Variants in COX7A2 observed in about 807,000 individuals in gnomAD.
COX7A2 encodes cytochrome c oxidase subunit 7A2, also known as cytochrome c oxidase subunit 7A2, mitochondrial.
Under a neutral mutation model 11.6 loss-of-function variants are expected in COX7A2, and 11 were observed. The observed-to-expected ratio is 0.95, with a 90% CI of 0.60 to 1.57. COX7A2 has a LOEUF of 1.57. Among genes scored for constraint, COX7A2 ranks in the 40% most tolerant of loss-of-function variants. The pLI is 0.00. For missense variants in COX7A2, 106 were observed against 100.9 expected (o/e 1.05, Z -0.22); for synonymous variants, 30 against 38.2 (o/e 0.78, Z 0.79).
At position 75,241,268 on chromosome 6, in the gene COX7A2, A is replaced by C; in HGVS notation, c.19-3T>G. 2 of 1,515,178 alleles carry C rather than the reference A, an allele frequency of 1.3e-6. No individual in the cohort carries two copies. Among genetic ancestry groups the C allele is most frequent in the Non-Finnish European group, 1.8e-6 (2 of 1,115,482 alleles). 93.9% of individuals were successfully genotyped at this position (1,515,178 alleles called of 1,614,324 possible). A position where few individuals can be genotyped will look rare whatever the true frequency, so the allele number is the denominator to read the frequency against. On this transcript the variant is annotated splice_region_variant and splice_polypyrimidine_tract_variant and intron_variant, in intron 1 of 3. Coordinates refer to ENST00000684430, the MANE Select transcript of COX7A2 (RefSeq NM_001366293.2). ...CTCTGCCCAATCTGACGAAGAGCCT[A>C]AAATGAAAATATTATTAAATAGACT...
intron 1 of COX7A2, among the ~76,000 whole-genome samples, chr6:75,242,505 CAAAAAATAAAAAT>C (rs1771538116): frequency 6.7e-6 from 1 of 150,056 alleles, no homozygotes; most frequent in Non-Finnish European, 1.5e-5. Context: ...AAACTCCGCT[CAAAAAATAAAAAT>C]AAAAAATAAA....
At chr6:75,247,352 CAT>C (rs1007392584), upstream of COX7A2, among the ~76,000 whole-genome samples, 1 of 152,128 alleles carries the variant, frequency 6.6e-6, no homozygotes, top group African/African-American at 2.4e-5. Context: ...TGCGTACACA[CAT>C]CTGTTAATTC....
At chr6:75,238,412 ATAGCTGAT>A (rs1480046871) in intron 3 of COX7A2, among the ~76,000 whole-genome samples, 1 of 152,076 alleles carries the variant, frequency 6.6e-6, no homozygotes, top group African/African-American at 2.4e-5. Context: ...AATATAAAAA[ATAGCTGAT>A]AACTGGGCCG....
At chr6:75,242,167 T>C (rs1299998805) in intron 1 of COX7A2, among the ~76,000 whole-genome samples, 1 of 151,160 alleles carries the variant, frequency 6.6e-6, no homozygotes, top group Non-Finnish European at 1.5e-5. Context: ...CCCATTGCAC[T>C]ACAGACTGGG....
At chr6:75,245,816 T>C (rs563318658), upstream of COX7A2, among the ~76,000 whole-genome samples, 9 of 152,308 alleles carry the variant, frequency 5.9e-5, no homozygotes, top group Admixed American at 2.6e-4. Context: ...CTCCATCTAT[T>C]AGCAGCATTT....
At position 75,243,697 on chromosome 6, in the gene COX7A2, C is replaced by G. The variant is rs763901040; in HGVS notation, c.18+20G>C. 1.9e-5 allele frequency: 30 copies of G among 1,610,576 alleles called. No homozygotes were observed. The highest frequency in any genetic ancestry group is 1.8e-4 in the Admixed American group (11 of 59,974). On this transcript the variant is annotated intron_variant, in intron 1 of 3. Transcript: ENST00000684430. ...CACTCCCTCGCCCCCATCATGAATG[C>G]AAGATGAGAAGCTCCTCACCAGCAG...
intron 2 of COX7A2, 79 bp from the exon 3 acceptor site, chr6:75,240,464 T>G (rs1164024371): frequency 1.1e-6 from 1 of 889,884 alleles, no homozygotes; most frequent in African/African-American, 1.7e-5. Context: ...AACAGGCATA[T>G]AAAATGATAT....
At chr6:75,247,609 C>T (rs1402247833), upstream of COX7A2, among the ~76,000 whole-genome samples, 4 of 151,868 alleles carry the variant, frequency 2.6e-5, no homozygotes, top group Non-Finnish European at 5.9e-5. Flanking sequence ...GTTAGACTAA[C>T]TCCTAATGAT....
Position 75,241,203 on chromosome 6 carries a change from T to G in COX7A2, c.81A>C (p.Lys27Asn). ...STASRRHFKN[K>N]VPEKQKLFQE... ...GGAACAGTTTTTGCTTCTCCGGAAC[T>G]TTATTTTTAAAATGCCTGCGGGAAG... The change falls in exon 2 of 4, where the codon AAA (lysine) becomes AAC (asparagine). Residue 27 changes from lysine (K) to asparagine (N), a missense_variant. Transcript: ENST00000684430. The G allele has an allele frequency of 6.3e-7, 1 of 1,598,786 alleles. No individual in the cohort carries two copies.
Position 75,237,943 on chromosome 6 carries a change from T to C in COX7A2, c.239A>G (p.Lys80Arg), listed in dbSNP as rs1046101120. ...IYELAVASFP[K>R]KQE is the part of the protein sequence containing the mutation. ...GGATGACTGAAGTCACTCCTGCTTC[T>C]TGGGAAATGAAGCCACAGCCAGCTC... The change falls in exon 4 of 4, where the codon AAG (lysine) becomes AGG (arginine). Residue 80 changes from lysine to arginine, a missense_variant. Coordinates refer to ENST00000684430, the MANE Select transcript of COX7A2 (RefSeq NM_001366293.2). The C allele has an allele frequency of 3.1e-6, 5 of 1,606,612 alleles. No individual in the cohort carries two copies. The highest frequency in any genetic ancestry group is 4.3e-6 in the Non-Finnish European group (5 of 1,175,022).
At chr6:75,247,129 G>T (rs1256833147), upstream of COX7A2, among the ~76,000 whole-genome samples, 1 of 152,162 alleles carries the variant, frequency 6.6e-6, no homozygotes, top group Non-Finnish European at 1.5e-5. Context: ...TCAGTAAGAT[G>T]GACATCAGAT....
intron 1 of COX7A2, among the ~76,000 whole-genome samples, chr6:75,249,026 G>A (rs1771739271): frequency 6.6e-6 from 1 of 152,158 alleles, no homozygotes; most frequent in Non-Finnish European, 1.5e-5. Flanking sequence ...GGGAGGCCGA[G>A]GCGGGCAGAT....
At chr6:75,243,983 G>GTAGGCTGGTCCCTGGAGCT, upstream of COX7A2, 2 of 639,800 alleles carry the variant, frequency 3.1e-6, no homozygotes, top group Non-Finnish European at 5.3e-6. Flanking sequence ...TCGATGTTCA[G>GTAGGCTGGTCCCTGGAGCT]TAGGCTGGTC....
intron 1 of COX7A2, among the ~76,000 whole-genome samples, chr6:75,242,310 G>C (rs966039744): frequency 6.6e-6 from 1 of 151,870 alleles, no homozygotes; most frequent in Non-Finnish European, 1.5e-5. Flanking sequence ...TTCAAGACCC[G>C]GCCTAGCCAA....
exon 1 of COX7A2, chr6:75,250,066 T>C (rs891761883): frequency 3.3e-5 from 5 of 152,230 alleles, no homozygotes; most frequent in Non-Finnish European, 7.3e-5. Flanking sequence ...CTCAAGGTGG[T>C]TGGCTATACC....
chr6:75,246,998 G>A (rs918762330), upstream of COX7A2, among the ~76,000 whole-genome samples: 2 of 152,166 alleles, frequency 1.3e-5, no homozygotes, highest in African/African-American at 4.8e-5. Flanking sequence ...TAGAAAATTA[G>A]AAAATGGTTC....
rs1771449844 is a variant in COX7A2 at position 75,240,192 on chromosome 6, T to C, written c.193+109A>G. On this transcript the variant is annotated intron_variant, in intron 3 of 3. Coordinates refer to ENST00000684430, the MANE Select transcript of COX7A2 (RefSeq NM_001366293.2). ...TGAGATATAGTAAGATATCAAATTC[T>C]GGAGACAAACTGCCTGCATTAAAAT... 4 of 773,380 alleles carry C rather than the reference T, an allele frequency of 5.2e-6. No individual in the cohort carries two copies. The Admixed American group carries it at 7.1e-5, about 14-fold the overall frequency. The allele number at this position is 773,380 out of a possible 1,614,324, so 47.9% of individuals were successfully genotyped here. A position where few individuals can be genotyped will look rare whatever the true frequency, so the allele number is the denominator to read the frequency against.
At position 75,241,746 on chromosome 6, in the gene COX7A2, C is replaced by G. The variant is rs80015764; in HGVS notation, c.19-481G>C. Reference sequence around the variant, plus strand: ...GGCGGATCACCTGAAGTCAGGAGTTCGAGACCACTCTGACCAACATTAGAA... The same window carrying G: ...GGCGGATCACCTGAAGTCAGGAGTTGGAGACCACTCTGACCAACATTAGAA... On this transcript the variant is annotated intron_variant, in intron 1 of 3. Coordinates refer to ENST00000684430, the MANE Select transcript of COX7A2 (RefSeq NM_001366293.2). The G allele has an allele frequency of 7.1e-3, 1,080 of 152,190 alleles. 32 individuals carry two copies. The East Asian group carries it at 0.11, about 15-fold the overall frequency. The allele number at this position is 152,190 out of a possible 1,614,324, so 9.4% of individuals were successfully genotyped here.
chr6:75,242,678 G>A (rs1287037294), intron 1 of COX7A2, among the ~76,000 whole-genome samples: 2 of 151,876 alleles, frequency 1.3e-5, no homozygotes, highest in African/African-American at 4.8e-5. Context: ...AAATTAGTAG[G>A]GCTTGGTGGC....
Sources: gnomAD v4.1 joint callset for allele counts (sites outside exome capture counted in the v4.1 genomes callset) on GRCh38, gnomAD v4.1.1 for gene constraint, MANE v1.5 for transcripts, NCBI Gene and HGNC (gene_info 2026-07-23, HGNC 2026-07-21) for gene names.